Variants in ARHGAP5 observed in about 807,000 individuals in gnomAD.
ARHGAP5 encodes Rho GTPase activating protein 5.
In ARHGAP5, 23 loss-of-function variants were observed where a neutral mutation model predicts 116.6. That is an observed-to-expected ratio of 0.20 (90% CI 0.14 to 0.28). ARHGAP5 has a LOEUF of 0.28. ARHGAP5 is among the 10% of genes least tolerant of loss of function. The probability of loss-of-function intolerance (pLI) is 1.00; values close to 1 mark genes in which losing one functional copy is unlikely to be tolerated. For missense variants in ARHGAP5, 1,405 were observed against 1,774.8 expected (o/e 0.79, Z 3.74); for synonymous variants, 574 against 602.0 (o/e 0.95, Z 0.68).
Position 32,093,660 on chromosome 14 carries a change from T to C in ARHGAP5, c.2991T>C (p.Asp997=), listed in dbSNP as rs1304548202. ...APPPYSPIGD[D]VQLLPTPSDR... ...CTCCTTATAGTCCAATTGGGGATGA[T>C]GTACAGTTGCTTCCAACACCTAGTG... Residue 997 remains aspartate (D), a synonymous_variant, in exon 2 of 7, where the codon GAT becomes GAC. Coordinates refer to ENST00000345122, the MANE Select transcript of ARHGAP5 (RefSeq NM_001030055.2). 6 of 1,613,822 alleles carry C rather than the reference T, an allele frequency of 3.7e-6. No homozygotes were observed. Among genetic ancestry groups the C allele is most frequent in the Non-Finnish European group, 5.1e-6 (6 of 1,179,918 alleles).
intron 3 of ARHGAP5, among the ~76,000 whole-genome samples, chr14:32,123,454 G>A (rs574953036): frequency 6.6e-6 from 1 of 151,656 alleles, no homozygotes; most frequent in African/African-American, 2.4e-5. Flanking sequence ...GTTTTCCTGT[G>A]TATATATGTC....
intron 2 of ARHGAP5, among the ~76,000 whole-genome samples, chr14:32,114,364 TTG>T (rs1317080008): frequency 6.6e-6 from 1 of 152,230 alleles, no homozygotes; most frequent in African/African-American, 2.4e-5. Flanking sequence ...CAATGCACCT[TTG>T]TGTTCCTGAG....
At chr14:32,120,916 C>A (rs944128396) in intron 3 of ARHGAP5, among the ~76,000 whole-genome samples, 2 of 151,360 alleles carry the variant, frequency 1.3e-5, no homozygotes, top group African/African-American at 4.8e-5. Context: ...AATCTGCAAT[C>A]ATGATTGTAG....
chr14:32,095,902 C>T (rs1351786771), intron 2 of ARHGAP5, among the ~76,000 whole-genome samples: 1 of 152,116 alleles, frequency 6.6e-6, no homozygotes, highest in Non-Finnish European at 1.5e-5. Context: ...TAAGAAAAAA[C>T]ACAGCCTTTC....
At chr14:32,118,503 A>C (rs1302071238) in intron 3 of ARHGAP5, among the ~76,000 whole-genome samples, 3 of 152,164 alleles carry the variant, frequency 2.0e-5, no homozygotes, top group Non-Finnish European at 4.4e-5. Context: ...TCTCAAAAAA[A>C]AAAAGAAAGA....
rs1472760219 is a variant in ARHGAP5, at chr14:32,077,372, CTGCCGCCGCCACCGCCGG to C, written c.-231_-214del. 1 of 696,646 alleles carries C rather than the reference CTGCCGCCGCCACCGCCGG, an allele frequency of 1.4e-6. No individual in the cohort carries two copies. The highest frequency in any genetic ancestry group is 2.6e-6 in the Non-Finnish European group (1 of 382,406). The allele number at this position is 696,646 out of a possible 1,614,324, so 43.2% of individuals were successfully genotyped here. A position where few individuals can be genotyped will look rare whatever the true frequency, so the allele number is the denominator to read the frequency against. Reference sequence around the variant, plus strand: ...GCGGGAGCGGTCCCCAGGAATGTCGCTGCCGCCGCCACCGCCGGGGCCGCTGCCGTTGAGGAGGAGACG... The same window carrying C: ...GCGGGAGCGGTCCCCAGGAATGTCGCGGCCGCTGCCGTTGAGGAGGAGACG... On this transcript the variant is annotated 5_prime_UTR_variant, in exon 1 of 7. Coordinates refer to ENST00000345122, the MANE Select transcript of ARHGAP5 (RefSeq NM_001030055.2).
chr14:32,094,446 TACTG>T (rs760975348), intron 2 of ARHGAP5, 60 bp downstream of exon 2: 8 of 1,260,468 alleles, frequency 6.3e-6, no homozygotes, highest in East Asian at 2.3e-5. Flanking sequence ...TTTTTTAAAA[TACTG>T]ACATCAGTGT....
At chr14:32,097,780 T>G (rs975858853) in intron 2 of ARHGAP5, among the ~76,000 whole-genome samples, 1 of 152,194 alleles carries the variant, frequency 6.6e-6, no homozygotes, top group African/African-American at 2.4e-5. Flanking sequence ...CAAAATAGTT[T>G]GATATAAGAT....
chr14:32,131,431 T>C lies in ARHGAP5; in HGVS notation c.3865+14144T>C, dbSNP rs560606482. On this transcript the variant is annotated intron_variant, in intron 3 of 6. Coordinates refer to ENST00000345122, the MANE Select transcript of ARHGAP5 (RefSeq NM_001030055.2). ...CATTTCAGTAGTAAATACATTCACATTGTTGTGCACCCAATCTCTAGAACT... is the reference window on the plus strand; with the variant it reads ...CATTTCAGTAGTAAATACATTCACACTGTTGTGCACCCAATCTCTAGAACT... Among the ~76,000 whole-genome samples, 6 of 152,300 alleles carry C rather than the reference T, an allele frequency of 3.9e-5. 1 individual carries two copies. In the South Asian group the frequency reaches 1.2e-3, roughly 32 times the overall value.
chr14:32,121,483 T>C (rs1879887453), intron 3 of ARHGAP5, among the ~76,000 whole-genome samples: 1 of 152,230 alleles, frequency 6.6e-6, no homozygotes. Flanking sequence ...TGTTGTTATA[T>C]ATTTTAAATC....
In ARHGAP5 at chr14:32,092,383, C is replaced by T. The variant is rs1462930816; in HGVS notation, c.1714C>T (p.Leu572Phe). ...TACAGACATTAAAGTGGAGCAGTTACTTGCTAGTAGTCTTTTACAGTTGGA... is the reference window on the plus strand; with the variant it reads ...TACAGACATTAAAGTGGAGCAGTTATTTGCTAGTAGTCTTTTACAGTTGGA... Reference protein sequence around the residue: ...NCTDIKVEQLLASSLLQLDHG... With the variant: ...NCTDIKVEQLFASSLLQLDHG... Residue 572 changes from leucine to phenylalanine, a missense_variant, in exon 2 of 7, where the codon CTT (leucine) becomes TTT (phenylalanine). Transcript: ENST00000345122. This position sits in a 1 kb window ranked among gnomAD's most constrained non-coding sequence, Gnocchi z 4.1. 3.1e-6 allele frequency: 5 copies of T among 1,613,456 alleles called. No homozygotes were observed. The highest frequency in any genetic ancestry group is 4.2e-6 in the Non-Finnish European group (5 of 1,179,716).
At chr14:32,116,991 AATTT>A (rs1879637453) in intron 2 of ARHGAP5, 145 bp from the exon 3 acceptor site, 4 of 557,722 alleles carry the variant, frequency 7.2e-6, no homozygotes, top group Admixed American at 3.8e-5. Flanking sequence ...CTTCTGGCAA[AATTT>A]ATTTAGCGAG....
chr14:32,084,323 A>C (rs992955079), intron 1 of ARHGAP5, among the ~76,000 whole-genome samples: 2 of 152,156 alleles, frequency 1.3e-5, no homozygotes, highest in African/African-American at 4.8e-5. Context: ...ACACCTTTAG[A>C]CTTACTGTTT....
chr14:32,118,786 A>C (rs1348886083), intron 3 of ARHGAP5, among the ~76,000 whole-genome samples: 2 of 152,214 alleles, frequency 1.3e-5, no homozygotes, highest in Non-Finnish European at 2.9e-5. Context: ...AATTAAGCCT[A>C]TGGATACAAC....
rs1036608241 is a variant in ARHGAP5 at position 32,078,676 on chromosome 14, G to C, written c.-169+1241G>C. On this transcript the variant is annotated intron_variant, in intron 1 of 6. Transcript: ENST00000345122. ...GAACCAGTATTCAGTTAGAATGTTA[G>C]GTGGTGTTTATCCGCATGAAGGATC... 4.6e-5 allele frequency among the ~76,000 whole-genome samples: 7 copies of C among 152,276 alleles called. No individual in the cohort carries two copies. In the East Asian group the frequency reaches 9.6e-4, roughly 21 times the overall value.
At position 32,077,405 on chromosome 14, in the gene ARHGAP5, AGGAGGAGAC is replaced by A. The variant is rs1440783875; in HGVS notation, c.-189_-181del. The A allele has an allele frequency of 1.7e-5, 12 of 705,290 alleles. No homozygotes were observed. Among genetic ancestry groups the A allele is most frequent in the Non-Finnish European group, 2.8e-5 (11 of 386,736 alleles). The allele number at this position is 705,290 out of a possible 1,614,324, so 43.7% of individuals were successfully genotyped here. ...GCCACCGCCGGGGCCGCTGCCGTTG[AGGAGGAGAC>A]GGAGGAGACCGACGTTGTTAGGTAG... On this transcript the variant is annotated 5_prime_UTR_variant, in exon 1 of 7. Coordinates refer to ENST00000345122, the MANE Select transcript of ARHGAP5 (RefSeq NM_001030055.2).
In ARHGAP5 at chr14:32,092,888, A is replaced by G; in HGVS notation, c.2219A>G (p.Lys740Arg). ...GTACCTGCTGGTACATATCCTCGTA[A>G]ATTTAATGAAACCCAAATAAAGCAA... The part of the protein sequence containing the change: ...VDVPAGTYPR[K>R]FNETQIKQAL... The change falls in exon 2 of 7, where the codon AAA (lysine) becomes AGA (arginine). Residue 740 changes from lysine (K) to arginine (R), a missense_variant. By Grantham distance (26) the Lys-to-Arg change is conservative. Transcript: ENST00000345122. This position sits in a 1 kb window ranked among gnomAD's most constrained non-coding sequence, Gnocchi z 4.1. 1 of 1,613,984 alleles carries G rather than the reference A, an allele frequency of 6.2e-7. No individual in the cohort carries two copies. The highest frequency in any genetic ancestry group is 8.5e-7 in the Non-Finnish European group (1 of 1,179,900).
chr14:32,097,241 G>T (rs999398842), intron 2 of ARHGAP5, among the ~76,000 whole-genome samples: 24 of 152,056 alleles, frequency 1.6e-4, no homozygotes, highest in African/African-American at 5.3e-4. Flanking sequence ...GATTTTGGGG[G>T]ATTTAATAGC....
intron 3 of ARHGAP5, among the ~76,000 whole-genome samples, chr14:32,118,737 G>A (rs1426584353): frequency 1.3e-5 from 2 of 152,178 alleles, no homozygotes; most frequent in Admixed American, 6.5e-5. Context: ...TTAGCTTCCT[G>A]CTTTGGATTT....
Sources: gnomAD v4.1 joint callset for allele counts (sites outside exome capture counted in the v4.1 genomes callset) on GRCh38, gnomAD v4.1.1 for gene constraint, Gnocchi (gnomAD v3.1) non-coding constraint, MANE v1.5 for transcripts, NCBI Gene and HGNC (gene_info 2026-07-23, HGNC 2026-07-21) for gene names.